The following TUBGCP6 variants were observed in gnomAD, a reference collection of about 807,000 sequenced individuals.
TUBGCP6 encodes tubulin gamma complex component 6.
TUBGCP6 carries 161 observed loss-of-function variants against 175.8 expected under a neutral mutation model. The observed-to-expected ratio is 0.92, with a 90% CI of 0.81 to 1.04. The LOEUF is 1.04. Ranked by LOEUF, TUBGCP6 falls within the 50% of genes least tolerant of loss-of-function variation. The pLI is 0.00. For synonymous variants in TUBGCP6, 1,173 were observed against 1,030.5 expected, an observed-to-expected ratio of 1.14 and a Z score of -2.65; for missense variants, 2,572 against 2,433.0, an observed-to-expected ratio of 1.06 and a Z score of -1.20.
chr22:50,219,404 G>A lies in TUBGCP6; in HGVS notation c.4368C>T (p.Ala1456=), dbSNP rs993085132. 2 of 1,572,278 alleles carry A rather than the reference G, an allele frequency of 1.3e-6. No individual in the cohort carries two copies. The highest frequency in any genetic ancestry group is 1.7e-4 in the Middle Eastern group (1 of 5,998). Residue 1456 remains alanine, a synonymous_variant, in exon 19 of 25, where the codon GCC becomes GCT. Transcript: ENST00000248846. Reference sequence around the variant, plus strand: ...ACTGGACCTGGGGGTCCACGGGGAAGGCGAAGGCCCGGGGAAGCACGGGGC... The same window carrying A: ...ACTGGACCTGGGGGTCCACGGGGAAAGCGAAGGCCCGGGGAAGCACGGGGC... ...LLRPVLPRAF[A]FPVDPQVQSA...
Position 50,243,972 on chromosome 22 carries a change from A to T in TUBGCP6, c.488T>A (p.Leu163Gln). The part of the protein sequence containing the change: ...LSVFEMDVQS[L>Q]ISREECLCHS... ...ACACAAACACTCTTCTCTGGAGATC[A>T]GAGACTGAACGTCCATCTCAAACAC... Residue 163 changes from leucine to glutamine, a missense_variant, in exon 1 of 25, where the codon CTG becomes CAG. Transcript: ENST00000248846. 2 of 1,614,166 alleles carry T rather than the reference A, an allele frequency of 1.2e-6. No homozygotes were observed. Among genetic ancestry groups the T allele is most frequent in the African/African-American group, 1.3e-5 (1 of 75,074 alleles).
Position 50,222,542 on chromosome 22 carries a change from C to T in TUBGCP6, c.2321G>A (p.Arg774Gln). Residue 774 changes from arginine (R) to glutamine (Q), a missense_variant, in exon 14 of 25, where the codon CGG becomes CAG. Transcript: ENST00000248846. ...GATTCTCCACAGTGCCTTCTGCTCC[C>T]GACGAGCTGCCTCTGCAGAGAGCTT... ...YSKLSAEAAR[R>Q]EQKALWRIQR... The T allele has an allele frequency of 6.2e-7, 1 of 1,613,452 alleles. No homozygotes were observed. Among genetic ancestry groups the T allele is most frequent in the African/African-American group, 1.3e-5 (1 of 75,050 alleles).
chr22:50,243,680 C>T, intron 1 of TUBGCP6, 39 bp downstream of exon 1: 2 of 1,544,552 alleles, frequency 1.3e-6, no homozygotes, highest in Non-Finnish European at 1.8e-6. Context: ...ATTTTCCAAA[C>T]CCCGAGAGAG....
rs1341581365 is a variant in TUBGCP6, at chr22:50,233,363, G to A, written c.1069C>T (p.Leu357=). ...GACACGACCCCAATCAAGACGTTCA[G>A]CACGTCTTTCACCAGCTCGCACTCC... The part of the protein sequence containing the change: ...VKECELVKDV[L]NVLIGVVSAT... The change falls in exon 3 of 25, where the codon CTG becomes TTG. Residue 357 remains leucine (L), a synonymous_variant. Coordinates refer to ENST00000248846, the MANE Select transcript of TUBGCP6 (RefSeq NM_020461.4). 9.9e-6 allele frequency: 16 copies of A among 1,613,920 alleles called. No homozygotes were observed. Among genetic ancestry groups the A allele is most frequent in the African/African-American group, 2.7e-5 (2 of 74,938 alleles).
chr22:50,238,783 C>T (rs964004754), intron 2 of TUBGCP6, among the ~76,000 whole-genome samples: 15 of 152,070 alleles, frequency 9.9e-5, no homozygotes, highest in African/African-American at 3.4e-4. Flanking sequence ...GTGATCCACC[C>T]GCCTCAGCCT....
Position 50,244,357 on chromosome 22 carries a change from G to A in TUBGCP6, c.103C>T (p.Arg35Trp), listed in dbSNP as rs528637716. The stretch of plus-strand genomic sequence containing the variant: ...TTGTAGGCCACCTTCTTGAGGCTCC[G>A]CTTTGCCCTCTTCCGGTTCACACTG... ...QRSVNRKRAK[R>W]SLKKVAYNAL... The change falls in exon 1 of 25, where the codon CGG becomes TGG. Residue 35 changes from arginine to tryptophan, a missense_variant. By Grantham distance (101) the Arg-to-Trp change is moderately radical (BLOSUM62 -3). Transcript: ENST00000248846. The A allele has an allele frequency of 2.5e-6, 4 of 1,613,428 alleles. No individual in the cohort carries two copies. The highest frequency in any genetic ancestry group is 1.7e-5 in the Admixed American group (1 of 60,026).
chr22:50,233,882 T>C (rs908486780), intron 2 of TUBGCP6, among the ~76,000 whole-genome samples: 7 of 152,024 alleles, frequency 4.6e-5, no homozygotes, highest in African/African-American at 1.7e-4. Context: ...AAAGTATTCT[T>C]CTGTTAGAAA....
chr22:50,224,807 G>C (rs1376993065), intron 10 of TUBGCP6, among the ~76,000 whole-genome samples: 1 of 152,100 alleles, frequency 6.6e-6, no homozygotes, highest in African/African-American at 2.4e-5. Flanking sequence ...TTTGGCGGGG[G>C]TCAGGGGAGC....
At chr22:50,235,808 C>T (rs571743045) in intron 2 of TUBGCP6, among the ~76,000 whole-genome samples, 4 of 152,104 alleles carry the variant, frequency 2.6e-5, no homozygotes, top group South Asian at 2.1e-4. Context: ...GGCGTGGTGG[C>T]GGGCATCTGT....
rs2064485408 is a variant in TUBGCP6 at position 50,219,800 on chromosome 22, ACAC to A, written c.4168-12_4168-10del. 5 of 1,611,348 alleles carry A rather than the reference ACAC, an allele frequency of 3.1e-6. No individual in the cohort carries two copies. The highest frequency in any genetic ancestry group is 1.3e-5 in the African/African-American group (1 of 74,882). On this transcript the variant is annotated splice_polypyrimidine_tract_variant and intron_variant, in intron 17 of 24. Coordinates refer to ENST00000248846, the MANE Select transcript of TUBGCP6 (RefSeq NM_020461.4). ...TGGGCAGCTGTGTCTTCCTAACAAA[ACAC>A]CAGCCTCAGAACCACCTCCCCACTG...
At chr22:50,231,776 T>C (rs1268620208) in intron 3 of TUBGCP6, among the ~76,000 whole-genome samples, 1 of 143,962 alleles carries the variant, frequency 6.9e-6, no homozygotes, top group Admixed American at 7.0e-5. Flanking sequence ...AGGAGAATGG[T>C]GTGAACCCGG....
Position 50,243,758 on chromosome 22 carries a change from G to C in TUBGCP6, c.702C>G (p.Pro234=). 2 of 1,613,506 alleles carry C rather than the reference G, an allele frequency of 1.2e-6. No individual in the cohort carries two copies. The highest frequency in any genetic ancestry group is 1.3e-5 in the African/African-American group (1 of 74,982). Reference sequence around the variant, plus strand: ...CAGAGAGGTCCGCATTGTCTGGCACGGGGGGCAGGCCCAGTCGGACGTCCA... The same window carrying C: ...CAGAGAGGTCCGCATTGTCTGGCACCGGGGGCAGGCCCAGTCGGACGTCCA... ...YDMDVRLGLP[P]VPDNADLSGL... is the part of the protein sequence containing the mutation. Residue 234 remains proline (P), a synonymous_variant, in exon 1 of 25, where the codon CCC becomes CCG. Coordinates refer to ENST00000248846, the MANE Select transcript of TUBGCP6 (RefSeq NM_020461.4).
rs2064460994 is a variant in TUBGCP6 at position 50,218,686 on chromosome 22, C to G, written c.4821+17G>C. 1 of 1,613,322 alleles carries G rather than the reference C, an allele frequency of 6.2e-7. No individual in the cohort carries two copies. ...CAGGCCCCTGTCCCATCCCCCGCGG[C>G]CAGGGCTGCTGCTGACCTTGTACCT... On this transcript the variant is annotated intron_variant, in intron 21 of 24. Coordinates refer to ENST00000248846, the MANE Select transcript of TUBGCP6 (RefSeq NM_020461.4).
At chr22:50,222,844 G>C (rs773669882) in intron 13 of TUBGCP6, 1 of 486,902 alleles carries the variant, frequency 2.1e-6, no homozygotes, top group Non-Finnish European at 3.7e-6. Context: ...ACATCTGCTG[G>C]ACAAATACCA....
Position 50,219,714 on chromosome 22 carries a change from C to G in TUBGCP6, c.4245G>C (p.Glu1415Asp), listed in dbSNP as rs778301471. ...EASAAEAQGG[E>D]QAYLAGLAGQ... ...CTGCCAGGCCTGCCAGGTAGGCCTG[C>G]TCCCCACCCTGAGCCTCCGCCGCCG... is the stretch of plus-strand genomic sequence containing the variant. The change falls in exon 18 of 25, where the codon GAG becomes GAC. Residue 1415 changes from glutamate (E) to aspartate (D), a missense_variant. Transcript: ENST00000248846. 2.5e-6 allele frequency: 4 copies of G among 1,613,752 alleles called. No homozygotes were observed. In the East Asian group the frequency reaches 6.7e-5, roughly 27 times the overall value.
intron 1 of TUBGCP6, among the ~76,000 whole-genome samples, chr22:50,243,250 C>T (rs2064862135): frequency 1.3e-5 from 2 of 152,178 alleles, no homozygotes; most frequent in South Asian, 4.1e-4. Context: ...GAGTTCAAGA[C>T]CAGCCTAGCC....
At position 50,244,281 on chromosome 22, in the gene TUBGCP6, T is replaced by C; in HGVS notation, c.179A>G (p.Asp60Gly). Residue 60 changes from aspartate to glycine, a missense_variant, in exon 1 of 25, where the codon GAC (aspartate) becomes GGC (glycine). Asp to Gly is a moderately conservative substitution (Grantham distance 94). Transcript: ENST00000248846. ...FQDETQQLQP[D>G]MSKLPARNKI... ...GTTTCTCGCTGGTAGTTTTGACATG[T>C]CAGGCTGCAGCTGTTGAGTCTCATC... 3.1e-6 allele frequency: 5 copies of C among 1,613,638 alleles called. No homozygotes were observed. The highest frequency in any genetic ancestry group is 4.2e-6 in the Non-Finnish European group (5 of 1,180,034).
chr22:50,226,426 G>A, intron 7 of TUBGCP6, 48 bp from the exon 8 acceptor site: 2 of 1,539,742 alleles, frequency 1.3e-6, no homozygotes, highest in Non-Finnish European at 1.8e-6. Flanking sequence ...GGAGAGGTGG[G>A]TGGGGCGTGG....
rs769886455 is a variant in TUBGCP6 at position 50,226,127 on chromosome 22, C to A, written c.1756G>T (p.Val586Leu). The A allele has an allele frequency of 1.3e-5, 21 of 1,614,184 alleles. No individual in the cohort carries two copies. In the South Asian group the frequency reaches 2.1e-4, roughly 16 times the overall value. Residue 586 changes from valine to leucine, a missense_variant, in exon 9 of 25, where the codon GTG (valine) becomes TTG (leucine). Physicochemically the swap from Val to Leu is conservative, Grantham distance 32. Transcript: ENST00000248846. The part of the protein sequence containing the change: ...ISKEVEDCVP[V>L]FLKHIAHDIY... ...TCGTGGGCAATGTGCTTCAGAAACA[C>A]GGGAACACAGTCCTCCACCTCTTTG...
Sources: allele counts gnomAD v4.1 joint callset (sites outside exome capture counted in the v4.1 genomes callset), GRCh38; gene constraint gnomAD v4.1.1; transcripts MANE v1.5; gene names NCBI Gene and HGNC (gene_info 2026-07-23, HGNC 2026-07-21).